The following AKAP13 variants were observed in gnomAD, a reference collection of about 807,000 sequenced individuals.
AKAP13 encodes A-kinase anchor protein 13.
AKAP13 carries 80 observed loss-of-function variants against 264.5 expected under a neutral mutation model. That is an observed-to-expected ratio of 0.30 (90% CI 0.25 to 0.36). The LOEUF is 0.36. Ranked by LOEUF, AKAP13 falls within the 10% of genes least tolerant of loss-of-function variation. AKAP13 has a pLI of 1.00. For synonymous variants in AKAP13, 1,380 were observed against 1,250.2 expected (o/e 1.10, Z -2.19); for missense variants, 3,712 against 3,435.2 (o/e 1.08, Z -2.01).
chr15:85,717,373 A>T lies in AKAP13; in HGVS notation c.5819A>T (p.Asn1940Ile), dbSNP rs1567211272. Residue 1940 changes from asparagine to isoleucine, a missense_variant, in exon 21 of 37, where the codon AAT becomes ATT. Transcript: ENST00000394518. ...TDSLNKISKV[N>I]ESTESLTDEG... The stretch of plus-strand genomic sequence containing the variant: ...TCACTAAATAAAATCAGCAAGGTCA[A>T]TGAGTCAACAGAATCACTTACTGAT... The T allele has an allele frequency of 6.2e-7, 1 of 1,613,306 alleles. No individual in the cohort carries two copies. The highest frequency in any genetic ancestry group is 1.1e-5 in the South Asian group (1 of 90,972).
intron 14 of AKAP13, among the ~76,000 whole-genome samples, chr15:85,672,976 TTCTAA>T (rs1337989818): frequency 6.6e-6 from 1 of 152,232 alleles, no homozygotes; most frequent in Non-Finnish European, 1.5e-5. Flanking sequence ...ACAGAATGTT[TTCTAA>T]ACTCATCCTA....
At chr15:85,402,515 T>C (rs953262715) in intron 1 of AKAP13, among the ~76,000 whole-genome samples, 2 of 152,226 alleles carry the variant, frequency 1.3e-5, no homozygotes, top group African/African-American at 4.8e-5. Flanking sequence ...TGCTAGGCTG[T>C]GCTCTGATGT....
intron 14 of AKAP13, chr15:85,676,879 C>T (rs2084257479): frequency 1.1e-6 from 1 of 934,012 alleles, no homozygotes; most frequent in Non-Finnish European, 1.3e-6. Flanking sequence ...TTTCCCGGAA[C>T]CGCATAGGCC....
chr15:85,680,789 T>A (rs1052274475), intron 14 of AKAP13, among the ~76,000 whole-genome samples: 1 of 151,982 alleles, frequency 6.6e-6, no homozygotes, highest in Non-Finnish European at 1.5e-5. Context: ...AGTTGAAGAG[T>A]TTCAAATGCG....
In AKAP13 at chr15:85,693,474, T is replaced by G. The variant is rs987797782; in HGVS notation, c.5464+23T>G. 5.6e-6 allele frequency: 9 copies of G among 1,608,538 alleles called. No individual in the cohort carries two copies. The Admixed American group carries it at 1.4e-4, about 24-fold the overall frequency. On this transcript the variant is annotated intron_variant, in intron 17 of 36. Coordinates refer to ENST00000394518, the MANE Select transcript of AKAP13 (RefSeq NM_007200.5). ...CAAGTAAGAGACATGCTTCTTCCTCTCGTAAGATGGAACTCTCTTGGCTCA... is the reference window on the plus strand; with the variant it reads ...CAAGTAAGAGACATGCTTCTTCCTCGCGTAAGATGGAACTCTCTTGGCTCA...
At chr15:85,664,210 GATTCA>G (rs1384332309) in intron 12 of AKAP13, among the ~76,000 whole-genome samples, 1 of 152,178 alleles carries the variant, frequency 6.6e-6, no homozygotes, top group Non-Finnish European at 1.5e-5. Context: ...AGTAGAGTTA[GATTCA>G]CAAAGATTAA....
chr15:85,394,045 T>C (rs180815857), intron 1 of AKAP13, among the ~76,000 whole-genome samples: 120 of 152,328 alleles, frequency 7.9e-4, no homozygotes, highest in Non-Finnish European at 1.2e-3. Context: ...ACATTAATAA[T>C]TAACATTTAC....
At chr15:85,447,598 C>T (rs2073946167) in intron 1 of AKAP13, among the ~76,000 whole-genome samples, 1 of 152,088 alleles carries the variant, frequency 6.6e-6, no homozygotes, top group African/African-American at 2.4e-5. Context: ...TTAGCTTCCA[C>T]TTACAAGTGA....
Position 85,740,457 on chromosome 15 carries a change from T to C in AKAP13, c.7608+185T>C, listed in dbSNP as rs897565901. On this transcript the variant is annotated intron_variant, in intron 34 of 36. Coordinates refer to ENST00000394518, the MANE Select transcript of AKAP13 (RefSeq NM_007200.5). Reference sequence around the variant, plus strand: ...TGCATCGACCTTCCAGGACTAGAATTAGTGAAGAGCTGGTGTGCCGTAGGC... The same window carrying C: ...TGCATCGACCTTCCAGGACTAGAATCAGTGAAGAGCTGGTGTGCCGTAGGC... 8.2e-6 allele frequency: 5 copies of C among 608,710 alleles called. No individual in the cohort carries two copies. The African/African-American group carries it at 9.2e-5, about 11-fold the overall frequency. 37.7% of individuals were successfully genotyped at this position (608,710 alleles called of 1,614,324 possible). A position where few individuals can be genotyped will look rare whatever the true frequency, so the allele number is the denominator to read the frequency against.
In AKAP13 at chr15:85,717,332, G is replaced by C. The variant is rs760231193; in HGVS notation, c.5778G>C (p.Leu1926=). The change falls in exon 21 of 37, where the codon CTG becomes CTC. Residue 1926 remains leucine (L), a synonymous_variant. Coordinates refer to ENST00000394518, the MANE Select transcript of AKAP13 (RefSeq NM_007200.5). ...DENMSNTWKF[L]SHSTDSLNKI... Reference sequence around the variant, plus strand: ...ACATGTCAAACACCTGGAAATTCCTGTCTCATTCAACAGACTCACTAAATA... The same window carrying C: ...ACATGTCAAACACCTGGAAATTCCTCTCTCATTCAACAGACTCACTAAATA... 3.7e-6 allele frequency: 6 copies of C among 1,612,432 alleles called. No individual in the cohort carries two copies. The South Asian group carries it at 6.6e-5, about 18-fold the overall frequency.
At chr15:85,596,646 C>T (rs1159507798) in intron 8 of AKAP13, among the ~76,000 whole-genome samples, 5 of 152,096 alleles carry the variant, frequency 3.3e-5, no homozygotes, top group Non-Finnish European at 7.4e-5. Context: ...GGTATAAAAA[C>T]GAGTCAGACT....
At position 85,579,160 on chromosome 15, in the gene AKAP13, T is replaced by C; in HGVS notation, c.1092T>C (p.Asn364=). ...TGTCAAGCATAGTTGAGGAGGAGAA[T>C]ACAGACCGTTCCTGTAGGAAGAAAA... ...CDLSSIVEEE[N]TDRSCRKKNK... is the part of the protein sequence containing the mutation. The change falls in exon 7 of 37, where the codon AAT becomes AAC. Residue 364 remains asparagine (N), a synonymous_variant. Coordinates refer to ENST00000394518, the MANE Select transcript of AKAP13 (RefSeq NM_007200.5). 1 of 1,613,972 alleles carries C rather than the reference T, an allele frequency of 6.2e-7. No individual in the cohort carries two copies. Among genetic ancestry groups the C allele is most frequent in the Non-Finnish European group, 8.5e-7 (1 of 1,180,002 alleles).
intron 1 of AKAP13, among the ~76,000 whole-genome samples, chr15:85,405,432 GT>G (rs2071616418): frequency 6.6e-6 from 1 of 152,184 alleles, no homozygotes; most frequent in Non-Finnish European, 1.5e-5. Flanking sequence ...TATGGACCGG[GT>G]AAGTTATTTG....
At chr15:85,434,202 G>C (rs1442709417) in intron 1 of AKAP13, among the ~76,000 whole-genome samples, 1 of 152,102 alleles carries the variant, frequency 6.6e-6, no homozygotes, top group Non-Finnish European at 1.5e-5. Context: ...GTCAAAGAAA[G>C]GGGTGACGGA....
chr15:85,742,419 G>C (rs1216565020), intron 35 of AKAP13, among the ~76,000 whole-genome samples: 1 of 152,244 alleles, frequency 6.6e-6, no homozygotes, highest in Non-Finnish European at 1.5e-5. Flanking sequence ...TCTCAGGCCA[G>C]AGTTGCTGGA....
intron 27 of AKAP13, 99 bp from the exon 28 acceptor site, chr15:85,726,967 C>G: frequency 2.2e-6 from 3 of 1,343,582 alleles, no homozygotes; most frequent in Non-Finnish European, 3.1e-6. Context: ...AAACTATGTG[C>G]TTTTTTAACA....
chr15:85,666,530 C>T (rs2083611381), intron 13 of AKAP13, among the ~76,000 whole-genome samples: 1 of 152,102 alleles, frequency 6.6e-6, no homozygotes, highest in South Asian at 2.1e-4. Flanking sequence ...TCCCTGCCTT[C>T]TCTTTTTAAA....
intron 25 of AKAP13, 99 bp downstream of exon 25, chr15:85,722,446 G>A: frequency 9.9e-7 from 1 of 1,012,996 alleles, no homozygotes; most frequent in South Asian, 1.8e-5. Context: ...TCATGCTTTA[G>A]TATGTCTAAA....
At chr15:85,680,957 A>G (rs960065984) in intron 14 of AKAP13, among the ~76,000 whole-genome samples, 1 of 152,184 alleles carries the variant, frequency 6.6e-6, no homozygotes, top group Non-Finnish European at 1.5e-5. Flanking sequence ...AGCTGGGACT[A>G]CAGGCATGCG....
Sources: gnomAD v4.1 joint callset for allele counts (sites outside exome capture counted in the v4.1 genomes callset) on GRCh38, gnomAD v4.1.1 for gene constraint, MANE v1.5 for transcripts, NCBI Gene and HGNC (gene_info 2026-07-23, HGNC 2026-07-21) for gene names.